PRPF6: variants seen among roughly 807,000 people sequenced by gnomAD.
PRPF6 encodes pre-mRNA-processing factor 6.
Under a neutral mutation model 118.3 loss-of-function variants are expected in PRPF6, and 42 were observed. That is an observed-to-expected ratio of 0.35 (90% CI 0.28 to 0.46). The LOEUF is 0.46. PRPF6 is among the 20% of genes least tolerant of loss of function. The pLI is 1.00. For missense variants in PRPF6, 662 were observed against 1,255.7 expected, an observed-to-expected ratio of 0.53 and a Z score of 7.15; for synonymous variants, 481 against 485.1, an observed-to-expected ratio of 0.99 and a Z score of 0.11.
chr20:63,986,270 G>A (rs1299187870), intron 3 of PRPF6, among the ~76,000 whole-genome samples: 7 of 149,950 alleles, frequency 4.7e-5, no homozygotes, highest in African/African-American at 1.5e-4. Flanking sequence ...GCTTGAACTC[G>A]GGAGGTGGAG....
At position 64,024,651 on chromosome 20, in the gene PRPF6, G is replaced by A. The variant is rs752218651; in HGVS notation, c.1866G>A (p.Gly622=). Residue 622 remains glycine (G), a synonymous_variant, in exon 14 of 21, where the codon GGG becomes GGA. Transcript: ENST00000266079. The stretch of plus-strand genomic sequence containing the variant: ...GCGCCAAGTCCAAGTGGCTGGCAGG[G>A]GATGTGCCTGCAGCAAGGAGCATCC... ...LMGAKSKWLA[G]DVPAARSILA... The A allele has an allele frequency of 1.2e-6, 2 of 1,613,428 alleles. No individual in the cohort carries two copies. The highest frequency in any genetic ancestry group is 2.2e-5 in the South Asian group (2 of 91,066).
intron 12 of PRPF6, among the ~76,000 whole-genome samples, chr20:64,021,289 C>CGT (rs58839408): frequency 0.019 from 2,593 of 138,936 alleles, 69 homozygotes; most frequent in South Asian, 0.06. Context: ...CAGCCCCGTG[C>CGT]GTGTGTGTGT....
chr20:64,008,720 A>G (rs972610903), intron 9 of PRPF6, among the ~76,000 whole-genome samples: 1 of 152,224 alleles, frequency 6.6e-6, no homozygotes, highest in African/African-American at 2.4e-5. Flanking sequence ...GAAAGACAGA[A>G]TAGATATTTG....
chr20:64,004,664 C>T (rs571324271), intron 9 of PRPF6, among the ~76,000 whole-genome samples: 15 of 152,294 alleles, frequency 9.8e-5, no homozygotes, highest in Admixed American at 9.2e-4. Flanking sequence ...GGTGCTTGGC[C>T]TCTGAGCTTC....
chr20:64,019,331 T>TC, intron 12 of PRPF6, among the ~76,000 whole-genome samples: 1 of 152,130 alleles, frequency 6.6e-6, no homozygotes, highest in Non-Finnish European at 1.5e-5. Flanking sequence ...GGTCTCGAAC[T>TC]CCTGACTTCA....
At position 64,011,443 on chromosome 20, in the gene PRPF6, C is replaced by G; in HGVS notation, c.1464C>G (p.Asp488Glu). 7 of 1,614,192 alleles carry G rather than the reference C, an allele frequency of 4.3e-6. No homozygotes were observed. The highest frequency in any genetic ancestry group is 5.1e-6 in the Non-Finnish European group (6 of 1,180,052). ...CGCAGATGGTGGAGAAGATCATCGA[C>G]CGAGCCATCACCTCGCTGCGGGCCA... Reference protein sequence around the residue: ...GNTQMVEKIIDRAITSLRANG... With the variant: ...GNTQMVEKIIERAITSLRANG... Residue 488 changes from aspartate (D) to glutamate (E), a missense_variant, in exon 11 of 21, where the codon GAC becomes GAG. This residue lies in a region of PRPF6 where 189 missense variants were observed against 323.5 expected (regional missense o/e 0.58). Transcript: ENST00000266079. This position sits in a 1 kb window ranked among gnomAD's most constrained non-coding sequence, Gnocchi z 6.7.
Position 64,027,532 on chromosome 20 carries a change from A to T in PRPF6, c.2206-71A>T, listed in dbSNP as rs2059296343. 6.2e-7 allele frequency: 1 copy of T among 1,605,828 alleles called. No individual in the cohort carries two copies. On this transcript the variant is annotated intron_variant, in intron 16 of 20. Coordinates refer to ENST00000266079, the MANE Select transcript of PRPF6 (RefSeq NM_012469.4). The surrounding 1 kb of genome is among the most constrained non-coding windows in gnomAD (Gnocchi z 6.5). ...GACTCGGTCACCCACTGCAGATGAG[A>T]AGCTGGGCATGGCTGTGTCCCAGTT...
In PRPF6 at chr20:63,981,144, T is replaced by G. The variant is rs2059063922; in HGVS notation, c.-102T>G. The stretch of plus-strand genomic sequence containing the variant: ...CGGGTGACGCGACGACGGCGACACT[T>G]TGCTACGGAGTGCATCGGACGTCGA... On this transcript the variant is annotated 5_prime_UTR_variant, in exon 1 of 21. Coordinates refer to ENST00000266079, the MANE Select transcript of PRPF6 (RefSeq NM_012469.4). 3 of 1,283,070 alleles carry G rather than the reference T, an allele frequency of 2.3e-6. No homozygotes were observed. The highest frequency in any genetic ancestry group is 4.0e-5 in the Admixed American group (2 of 50,528). The allele number at this position is 1,283,070 out of a possible 1,614,324, so 79.5% of individuals were successfully genotyped here.
intron 12 of PRPF6, among the ~76,000 whole-genome samples, chr20:64,018,952 G>C (rs2059251305): frequency 6.6e-6 from 1 of 152,178 alleles, no homozygotes; most frequent in Non-Finnish European, 1.5e-5. Context: ...ATACACACAT[G>C]ATTCTTTTGC....
chr20:64,019,350 A>C (rs551020013), intron 12 of PRPF6, among the ~76,000 whole-genome samples: 34 of 151,998 alleles, frequency 2.2e-4, no homozygotes, highest in African/African-American at 8.0e-4. Context: ...CAGGCCATCC[A>C]CCTGCCTCAG....
chr20:63,992,330 T>G (rs2059122237), intron 3 of PRPF6, among the ~76,000 whole-genome samples: 1 of 152,128 alleles, frequency 6.6e-6, no homozygotes. Context: ...GGCATGATCT[T>G]GGCTCCCTGC....
rs140199129 is a variant in PRPF6, at chr20:63,986,940, G to A, written c.359+1915G>A. Among the ~76,000 whole-genome samples the A allele has an allele frequency of 4.4e-3, 667 of 150,566 alleles. 6 individuals are homozygous for A. The highest frequency in any genetic ancestry group is 0.015 in the African/African-American group (631 of 41,062). ...TCCCAGCACTTTGGGAGGCTGAGGC[G>A]GGAGGACTGCTTGATCTCAGGAGTT... On this transcript the variant is annotated intron_variant, in intron 3 of 20. Transcript: ENST00000266079.
At chr20:64,008,110 C>T (rs1404558981) in intron 9 of PRPF6, among the ~76,000 whole-genome samples, 8 of 152,206 alleles carry the variant, frequency 5.3e-5, no homozygotes, top group Admixed American at 3.9e-4. Flanking sequence ...CATTAAATGT[C>T]TACTGCATTC....
chr20:64,002,308 A>G (rs1337623031), intron 9 of PRPF6, among the ~76,000 whole-genome samples: 28 of 125,526 alleles, frequency 2.2e-4, no homozygotes, highest in Non-Finnish European at 2.9e-4. Context: ...GGCGTGAGCC[A>G]CTGCACCTGG....
chr20:64,018,544 G>A (rs1347024845), intron 12 of PRPF6, among the ~76,000 whole-genome samples: 1 of 152,106 alleles, frequency 6.6e-6, no homozygotes, highest in African/African-American at 2.4e-5. Context: ...TAAGTATTTT[G>A]AGGATCCATT....
intron 2 of PRPF6, among the ~76,000 whole-genome samples, 198 bp downstream of exon 2, chr20:63,983,413 A>G (rs1246214738): frequency 6.6e-6 from 1 of 151,956 alleles, no homozygotes; most frequent in Non-Finnish European, 1.5e-5. Context: ...GTCCCTCAGA[A>G]GAGATGTTCT....
At chr20:64,023,773 G>A (rs1380060103) in intron 13 of PRPF6, among the ~76,000 whole-genome samples, 1 of 152,212 alleles carries the variant, frequency 6.6e-6, no homozygotes, top group Non-Finnish European at 1.5e-5. Flanking sequence ...GCGGTGCCAG[G>A]TGTAGGCTGA....
intron 12 of PRPF6, among the ~76,000 whole-genome samples, chr20:64,018,001 G>C (rs867523990): frequency 6.6e-6 from 1 of 152,196 alleles, no homozygotes; most frequent in African/African-American, 2.4e-5. Flanking sequence ...TCGGGAGTTT[G>C]AAACCAGCCT....
At position 64,010,890 on chromosome 20, in the gene PRPF6, G is replaced by A. The variant is rs6062605; in HGVS notation, c.1306-395G>A. On this transcript the variant is annotated intron_variant, in intron 10 of 20. Coordinates refer to ENST00000266079, the MANE Select transcript of PRPF6 (RefSeq NM_012469.4). The stretch of plus-strand genomic sequence containing the variant: ...ATGAATAAAGCCCGTACACATCTTA[G>A]GGATGGAATGCTGCAGAACCAAGGG... Among the ~76,000 whole-genome samples, 10 of 152,276 alleles carry A rather than the reference G, an allele frequency of 6.6e-5. No homozygotes were observed. In the South Asian group the frequency reaches 1.2e-3, roughly 19 times the overall value.
Sources: allele counts gnomAD v4.1 joint callset (sites outside exome capture counted in the v4.1 genomes callset), GRCh38; gene constraint gnomAD v4.1.1; regional missense constraint gnomAD v4.1.1; non-coding constraint Gnocchi (gnomAD v3.1); transcripts MANE v1.5; gene names NCBI Gene and HGNC (gene_info 2026-07-23, HGNC 2026-07-21).